The following TIMM23 variants were observed in gnomAD, a reference collection of about 807,000 sequenced individuals.
TIMM23 encodes the protein translocase of inner mitochondrial membrane 23.
In TIMM23, 19 loss-of-function variants were observed where a neutral mutation model predicts 30.7. That is an observed-to-expected ratio of 0.62 (90% CI 0.43 to 0.91). TIMM23 has a LOEUF of 0.91. TIMM23 is among the 40% of genes least tolerant of loss of function. The probability of loss-of-function intolerance (pLI) is 0.00; values close to 1 mark genes in which losing one functional copy is unlikely to be tolerated. For synonymous variants in TIMM23, 78 were observed against 98.5 expected (o/e 0.79, Z 1.23); for missense variants, 202 against 269.2 (o/e 0.75, Z 1.75).
chr10:45,986,514 C>G (rs1385182877), intron 5 of TIMM23, among the ~76,000 whole-genome samples: 1 of 145,042 alleles, frequency 6.9e-6, no homozygotes, highest in Admixed American at 7.3e-5. Flanking sequence ...TGCTCGTGAT[C>G]AGTTTCAGTT....
At chr10:45,990,471 G>T (rs1409677969) in intron 6 of TIMM23, among the ~76,000 whole-genome samples, 1 of 150,668 alleles carries the variant, frequency 6.6e-6, no homozygotes, top group Non-Finnish European at 1.5e-5. Flanking sequence ...ATCCAGGCTG[G>T]AGTGCAGTGG....
At chr10:46,003,084 T>A (rs1389162517) in intron 6 of TIMM23, 119 bp from the exon 7 acceptor site, 3 of 736,454 alleles carry the variant, frequency 4.1e-6, no homozygotes, top group Non-Finnish European at 4.5e-6. Context: ...CCCGAAGTGC[T>A]GGGATTACCT....
At chr10:45,992,083 C>G (rs1838180892) in intron 6 of TIMM23, among the ~76,000 whole-genome samples, 1 of 152,048 alleles carries the variant, frequency 6.6e-6, no homozygotes, top group East Asian at 1.9e-4. Context: ...CCTCTCACCT[C>G]AGCCTGCCCA....
intron 1 of TIMM23, among the ~76,000 whole-genome samples, chr10:45,973,288 G>A (rs1409366303): frequency 4.6e-5 from 7 of 152,206 alleles, no homozygotes; most frequent in African/African-American, 1.7e-4. Context: ...AAGAATTATA[G>A]AAACGGAAAT....
At chr10:45,985,054 C>A (rs1837955708) in intron 4 of TIMM23, among the ~76,000 whole-genome samples, 1 of 152,056 alleles carries the variant, frequency 6.6e-6, no homozygotes, top group Admixed American at 6.6e-5. Flanking sequence ...AAGATACATT[C>A]CAGGCTGTCA....
chr10:46,001,443 C>T (rs146773217), intron 6 of TIMM23, among the ~76,000 whole-genome samples: 2 of 152,238 alleles, frequency 1.3e-5, no homozygotes, highest in East Asian at 3.9e-4. Flanking sequence ...CTAAGAAGAA[C>T]GTAAGCAGGT....
intron 6 of TIMM23, among the ~76,000 whole-genome samples, chr10:45,993,852 GATGAAATGAAATGAAATA>G (rs1452934308): frequency 6.6e-6 from 1 of 151,502 alleles, no homozygotes; most frequent in African/African-American, 2.4e-5. Context: ...GATGAAATGG[GATGAAATGAAATGAAATA>G]ATGAAATGAA....
chr10:45,985,868 A>G (rs1199128238), intron 5 of TIMM23, among the ~76,000 whole-genome samples: 3 of 152,230 alleles, frequency 2.0e-5, no homozygotes, highest in Non-Finnish European at 2.9e-5. Flanking sequence ...TTACCTGAGT[A>G]GATTTCAGGC....
At chr10:45,975,322 T>C in intron 1 of TIMM23, 132 bp from the exon 2 acceptor site, 1 of 1,240,418 alleles carries the variant, frequency 8.1e-7, no homozygotes, top group Non-Finnish European at 1.2e-6. Context: ...GAGGATAAAA[T>C]GGGAAAAAAT....
intron 6 of TIMM23, among the ~76,000 whole-genome samples, chr10:46,002,210 C>G (rs1173782505): frequency 2.6e-5 from 4 of 151,956 alleles, no homozygotes; most frequent in Admixed American, 1.3e-4. Context: ...CTTTCTCACT[C>G]TGTCACCCAG....
chr10:45,994,048 G>T (rs797040701), intron 6 of TIMM23, among the ~76,000 whole-genome samples: 4,037 of 151,818 alleles, frequency 0.027, 173 homozygotes, highest in African/African-American at 0.088. Flanking sequence ...TGAAATGAAA[G>T]GAAATACGAA....
chr10:45,978,328 CAGAG>C (rs1254344961), intron 2 of TIMM23, among the ~76,000 whole-genome samples: 1 of 152,032 alleles, frequency 6.6e-6, no homozygotes, highest in Non-Finnish European at 1.5e-5. Flanking sequence ...GCCTGGGTGA[CAGAG>C]AGAGACTTTG....
chr10:45,978,985 T>C (rs1208293586), intron 2 of TIMM23, among the ~76,000 whole-genome samples: 1 of 152,250 alleles, frequency 6.6e-6, no homozygotes, highest in Non-Finnish European at 1.5e-5. Flanking sequence ...TGTGCTACAA[T>C]ATAAATGAAC....
intron 6 of TIMM23, among the ~76,000 whole-genome samples, chr10:46,002,837 C>CG (rs1554917967): frequency 3.8e-5 from 2 of 53,308 alleles, no homozygotes; most frequent in African/African-American, 1.5e-4. Context: ...TTTTTTTTGA[C>CG]GGAGTCTCAC....
At position 46,003,220 on chromosome 10, in the gene TIMM23, G is replaced by A. The variant is rs1554918118; in HGVS notation, c.532G>A (p.Ala178Thr). 2.5e-6 allele frequency: 4 copies of A among 1,614,018 alleles called. No homozygotes were observed. The highest frequency in any genetic ancestry group is 1.1e-5 in the South Asian group (1 of 91,072). The change falls in exon 7 of 7, where the codon GCA becomes ACA. Residue 178 changes from alanine (A) to threonine (T), a missense_variant. Transcript: ENST00000580018. Reference protein sequence around the residue: ...YKCTGGLRGIARGGLTGLTLT... With the variant: ...YKCTGGLRGITRGGLTGLTLT... The stretch of plus-strand genomic sequence containing the variant: ...TTTCCCAGGTGGTCTTCGAGGGATA[G>A]CACGAGGTGGTCTGACAGGACTAAC...
At chr10:45,985,212 AT>A (rs1837959456) in intron 4 of TIMM23, among the ~76,000 whole-genome samples, 170 bp from the exon 5 acceptor site, 1 of 152,140 alleles carries the variant, frequency 6.6e-6, no homozygotes, top group Non-Finnish European at 1.5e-5. Flanking sequence ...ATTTTCACTT[AT>A]GTAGAGTAAA....
At position 45,972,602 on chromosome 10, in the gene TIMM23, A is replaced by ATTC. The variant is rs1837523618; in HGVS notation, c.-23_-22insTTC. The ATTC allele has an allele frequency of 6.2e-7, 1 of 1,601,552 alleles. No homozygotes were observed. The highest frequency in any genetic ancestry group is 8.5e-7 in the Non-Finnish European group (1 of 1,171,496). ...ACCCAGGCTTGAGGCAGCGGCGGGA[A>ATTC]CCACTCGGTTTGCTGCGATACCATG... On this transcript the variant is annotated 5_prime_UTR_variant, in exon 1 of 7. Coordinates refer to ENST00000580018, the MANE Select transcript of TIMM23 (RefSeq NM_006327.4).
At chr10:45,990,672 C>T (rs1838140717) in intron 6 of TIMM23, 1 of 426,194 alleles carries the variant, frequency 2.3e-6, no homozygotes, top group Non-Finnish European at 4.6e-6. Flanking sequence ...GTCATCCTGC[C>T]TCAGCCTCCC....
intron 1 of TIMM23, among the ~76,000 whole-genome samples, chr10:45,975,017 G>C (rs1271136551): frequency 6.6e-6 from 1 of 151,976 alleles, no homozygotes; most frequent in Non-Finnish European, 1.5e-5. Context: ...CCTTGAAATA[G>C]TTAGATACAA....
Sources: gnomAD v4.1 joint callset for allele counts (sites outside exome capture counted in the v4.1 genomes callset) on GRCh38, gnomAD v4.1.1 for gene constraint, MANE v1.5 for transcripts, NCBI Gene and HGNC (gene_info 2026-07-23, HGNC 2026-07-21) for gene names.